The following MTTP variants were observed in gnomAD, a reference collection of about 807,000 sequenced individuals.
MTTP encodes microsomal triglyceride transfer protein.
MTTP carries 49 observed loss-of-function variants against 90.6 expected under a neutral mutation model. The ratio of observed to expected loss-of-function variants is 0.54; its 90% CI spans 0.43 to 0.69. MTTP has a LOEUF of 0.69. Among genes scored for constraint, MTTP ranks in the 30% least tolerant of loss-of-function variants. The pLI is 0.00. For synonymous variants in MTTP, 347 were observed against 384.2 expected, an observed-to-expected ratio of 0.90 and a Z score of 1.13; for missense variants, 945 against 1,067.5, an observed-to-expected ratio of 0.89 and a Z score of 1.60.
At chr4:99,579,337 CT>C (rs1725041313) in intron 1 of MTTP, among the ~76,000 whole-genome samples, 1 of 152,204 alleles carries the variant, frequency 6.6e-6, no homozygotes, top group Non-Finnish European at 1.5e-5. Context: ...GTCTCCTTCA[CT>C]GTGTCTTTTA....
Position 99,622,833 on chromosome 4 carries a change from C to T in MTTP, c.2670C>T (p.Ser890=). 6.2e-7 allele frequency: 1 copy of T among 1,614,094 alleles called. No individual in the cohort carries two copies. The highest frequency in any genetic ancestry group is 1.3e-5 in the African/African-American group (1 of 75,014). ...VVFAPQPDST[S]SGWF ...TTGCCCCTCAGCCGGATAGTACTTCCAGCGGATGGTTTTGAAACTGACCTG... is the reference window on the plus strand; with the variant it reads ...TTGCCCCTCAGCCGGATAGTACTTCTAGCGGATGGTTTTGAAACTGACCTG... Residue 890 remains serine, a synonymous_variant, in exon 18 of 18, where the codon TCC becomes TCT. Coordinates refer to ENST00000265517, the MANE Select transcript of MTTP (RefSeq NM_001386140.1).
intron 6 of MTTP, 79 bp downstream of exon 6, chr4:99,591,869 T>A: frequency 7.7e-7 from 1 of 1,303,468 alleles, no homozygotes. Context: ...TAGATCTGTG[T>A]TTGTGTGTGT....
intron 1 of MTTP, chr4:99,564,484 G>T: frequency 2.2e-6 from 1 of 446,368 alleles, no homozygotes; most frequent in Non-Finnish European, 4.0e-6. Flanking sequence ...GCTTTTTTAT[G>T]GCTGAAGTAA....
chr4:99,600,506 G>A (rs1725667932), intron 8 of MTTP, 59 bp from the exon 9 acceptor site: 2 of 1,520,722 alleles, frequency 1.3e-6, no homozygotes, highest in South Asian at 2.2e-5. Context: ...GAATGGTAGA[G>A]ATTTTTAAGT....
chr4:99,600,040 C>G (rs530252618), intron 8 of MTTP, among the ~76,000 whole-genome samples: 1 of 152,084 alleles, frequency 6.6e-6, no homozygotes, highest in African/African-American at 2.4e-5. Flanking sequence ...AAACATAGAA[C>G]TATACTATGG....
In MTTP at chr4:99,623,283, G is replaced by GA. The variant is rs545365701; in HGVS notation, c.*454dup. The GA allele has an allele frequency of 0.034, 3,488 of 103,896 alleles. 98 individuals are homozygous for GA. Among genetic ancestry groups the GA allele is most frequent in the Middle Eastern group, 0.1 (20 of 194 alleles). 6.4% of individuals were successfully genotyped at this position (103,896 alleles called of 1,614,324 possible). A position where few individuals can be genotyped will look rare whatever the true frequency, so the allele number is the denominator to read the frequency against. On this transcript the variant is annotated 3_prime_UTR_variant, in exon 18 of 18. Coordinates refer to ENST00000265517, the MANE Select transcript of MTTP (RefSeq NM_001386140.1). ...AAAACCAAACACGTTCCCTAATCAGGAAAAAAAAAAAAAAAAAAAGTAAGA... is the reference window on the plus strand; with the variant it reads ...AAAACCAAACACGTTCCCTAATCAGGAAAAAAAAAAAAAAAAAAAAGTAAGA...
intron 1 of MTTP, among the ~76,000 whole-genome samples, chr4:99,579,891 A>G (rs1725061030): frequency 6.6e-6 from 1 of 151,618 alleles, no homozygotes; most frequent in South Asian, 2.1e-4. Flanking sequence ...ATAAAAATTA[A>G]CTGGGCTTAG....
At chr4:99,618,280 T>A (rs917877548) in intron 15 of MTTP, among the ~76,000 whole-genome samples, 3 of 152,192 alleles carry the variant, frequency 2.0e-5, no homozygotes, top group Non-Finnish European at 4.4e-5. Flanking sequence ...GGTAGTCCTA[T>A]AACAAGTTCC....
chr4:99,599,451 G>A (rs1487156985), intron 8 of MTTP, among the ~76,000 whole-genome samples: 1 of 152,084 alleles, frequency 6.6e-6, no homozygotes, highest in African/African-American at 2.4e-5. Flanking sequence ...AAATGACTAG[G>A]TATATCTGCG....
intron 3 of MTTP, among the ~76,000 whole-genome samples, chr4:99,585,894 CAGGA>C (rs1725247250): frequency 6.6e-6 from 1 of 152,116 alleles, no homozygotes; most frequent in Admixed American, 6.6e-5. Context: ...AAGAAGCCAA[CAGGA>C]AGTTTTGGCC....
At chr4:99,571,818 C>T (rs996469306), upstream of MTTP, among the ~76,000 whole-genome samples, 2 of 151,836 alleles carry the variant, frequency 1.3e-5, no homozygotes, top group African/African-American at 4.8e-5. Context: ...TGCTAACTCC[C>T]TCATTGATTT....
At chr4:99,621,568 G>T (rs1726235155) in intron 17 of MTTP, among the ~76,000 whole-genome samples, 2 of 152,066 alleles carry the variant, frequency 1.3e-5, no homozygotes, top group Admixed American at 1.3e-4. Flanking sequence ...TTTACTGTCT[G>T]GTATCTTCAC....
At chr4:99,582,539 G>T (rs1725145839) in intron 2 of MTTP, among the ~76,000 whole-genome samples, 1 of 152,130 alleles carries the variant, frequency 6.6e-6, no homozygotes, top group Non-Finnish European at 1.5e-5. Flanking sequence ...TTCTTCCTGA[G>T]GAAGGAACCA....
At chr4:99,611,476 T>G (rs1560624803) in intron 14 of MTTP, 23 bp downstream of exon 14, 1 of 1,613,564 alleles carries the variant, frequency 6.2e-7, no homozygotes, top group African/African-American at 1.3e-5. Context: ...TCATGGATTT[T>G]GCTTAATAAA....
chr4:99,591,155 C>G (rs1171100145), intron 4 of MTTP, 80 bp from the exon 5 acceptor site: 2 of 1,053,106 alleles, frequency 1.9e-6, no homozygotes, highest in Non-Finnish European at 3.0e-6. Flanking sequence ...TTAGAGACCT[C>G]AATTTTCAAG....
intron 16 of MTTP, chr4:99,620,824 A>G (rs988179950): frequency 5.5e-6 from 3 of 548,082 alleles, no homozygotes; most frequent in Admixed American, 3.1e-5. Context: ...CACATCTGCA[A>G]CTGAAGGCAG....
chr4:99,605,749 A>G (rs944922543), intron 10 of MTTP, among the ~76,000 whole-genome samples: 1 of 152,190 alleles, frequency 6.6e-6, no homozygotes, highest in Non-Finnish European at 1.5e-5. Flanking sequence ...CCAATTTGAT[A>G]GTTGAGAAAT....
chr4:99,601,163 CTT>C (rs1725686541), intron 9 of MTTP, among the ~76,000 whole-genome samples: 1 of 152,068 alleles, frequency 6.6e-6, no homozygotes, highest in Non-Finnish European at 1.5e-5. Context: ...CTAGACTTCT[CTT>C]GTGTCCAAGA....
intron 1 of MTTP, among the ~76,000 whole-genome samples, chr4:99,580,898 A>G (rs975324476): frequency 6.6e-6 from 1 of 152,134 alleles, no homozygotes; most frequent in Non-Finnish European, 1.5e-5. Context: ...CACCTTTCTC[A>G]GCTGCTTTGC....
Sources: allele counts gnomAD v4.1 joint callset (sites outside exome capture counted in the v4.1 genomes callset), GRCh38; gene constraint gnomAD v4.1.1; transcripts MANE v1.5; gene names NCBI Gene and HGNC (gene_info 2026-07-23, HGNC 2026-07-21).